Variants in MSN observed in about 807,000 individuals in gnomAD.
MSN encodes the protein moesin.
In MSN, 2 loss-of-function variants were observed where a neutral mutation model predicts 48.0. The observed-to-expected ratio is 0.04, with a 90% CI of 0.02 to 0.13. The LOEUF is 0.13. Ranked by LOEUF, MSN falls within the 10% of genes least tolerant of loss-of-function variation. The pLI, the probability that MSN is intolerant of heterozygous loss-of-function variation, is 1.00. For synonymous variants in MSN, 146 were observed against 166.9 expected (o/e 0.87, Z 0.97); for missense variants, 267 against 470.1 (o/e 0.57, Z 3.99).
rs192025280 is a variant in MSN at position 65,657,463 on chromosome X, G to T, written c.-21-59355G>T. 2.1e-3 allele frequency among the ~76,000 whole-genome samples: 234 copies of T among 110,961 alleles called. 2 individuals are homozygous for T. The highest frequency in any genetic ancestry group is 4.6e-3 in the Middle Eastern group (1 of 217). ...TGGTCAGTGGGGGCAGGGCTGGGGG[G>T]GCTGATGACTTCACTGGGAGATCCT... On this transcript the variant is annotated intron_variant, in intron 1 of 3. Coordinates refer to the MSN transcript ENST00000609672.
chrX:65,623,858 C>T (rs1280811248), intron 1 of MSN, among the ~76,000 whole-genome samples: 1 of 109,136 alleles, frequency 9.2e-6, no homozygotes, highest in Admixed American at 9.8e-5. Context: ...AATCATCTGG[C>T]TCTGGTTTTT....
intron 1 of MSN, among the ~76,000 whole-genome samples, chrX:65,684,443 CT>C (rs1300988514): frequency 6.6e-4 from 66 of 100,064 alleles, no homozygotes; most frequent in Admixed American, 6.4e-4. Context: ...TCTTTTTTTT[CT>C]TTTTTTTTTT....
At chrX:65,642,749 G>C (rs1371662998) in intron 1 of MSN, among the ~76,000 whole-genome samples, 1 of 111,789 alleles carries the variant, frequency 8.9e-6, no homozygotes, top group African/African-American at 3.3e-5. Flanking sequence ...TGTGTAAGGA[G>C]ATGGTCAGGG....
chrX:65,618,536 C>T (rs767695561), intron 1 of MSN, among the ~76,000 whole-genome samples: 64 of 111,253 alleles, frequency 5.8e-4, no homozygotes, highest in African/African-American at 2.1e-3. Flanking sequence ...CAACCCCTTC[C>T]TTTTTTGGTT....
chrX:65,603,267 C>A (rs2070252746), intron 1 of MSN, among the ~76,000 whole-genome samples: 1 of 111,829 alleles, frequency 8.9e-6, no homozygotes, highest in Admixed American at 9.5e-5. Context: ...GCACTTCAGC[C>A]TATAGTGTGA....
chrX:65,693,959 A>G (rs1381362705), intron 1 of MSN, among the ~76,000 whole-genome samples: 1 of 110,747 alleles, frequency 9.0e-6, no homozygotes, highest in Non-Finnish European at 1.9e-5. Flanking sequence ...AGGCTGAGGC[A>G]GGAGAATCGC....
At chrX:65,643,236 G>T (rs1013513761) in intron 1 of MSN, among the ~76,000 whole-genome samples, 1 of 111,681 alleles carries the variant, frequency 9.0e-6, no homozygotes, top group African/African-American at 3.3e-5. Context: ...AATCTTGAAT[G>T]CTTTCCAAAA....
chrX:65,701,354 C>T (rs1176655821), intron 1 of MSN, among the ~76,000 whole-genome samples: 4 of 111,739 alleles, frequency 3.6e-5, no homozygotes, highest in Non-Finnish European at 7.5e-5. Flanking sequence ...GTCTCCTCCT[C>T]TTCCTGCCTG....
chrX:65,648,959 G>T (rs993035339), intron 1 of MSN, among the ~76,000 whole-genome samples: 4 of 109,936 alleles, frequency 3.6e-5, no homozygotes, highest in Non-Finnish European at 7.6e-5. Flanking sequence ...GAGAGGTAAG[G>T]CCTGGGTATG....
Position 65,712,546 on chromosome X carries a change from AT to A in MSN, c.13-4254del, listed in dbSNP as rs757977163. 8.3e-3 allele frequency among the ~76,000 whole-genome samples: 809 copies of A among 97,064 alleles called. 2 individuals carry two copies. Among genetic ancestry groups the A allele is most frequent in the African/African-American group, 0.012 (334 of 26,923 alleles). 84.3% of individuals were successfully genotyped at this position (97,064 alleles called of 115,157 possible). A position where few individuals can be genotyped will look rare whatever the true frequency, so the allele number is the denominator to read the frequency against. On this transcript the variant is annotated intron_variant, in intron 1 of 12. Transcript: ENST00000360270. Reference sequence around the variant, plus strand: ...GACCAACTTAGAAAATGTAGATTAGATTTTTTTTTTTTTTTTTTAGTTTAAA... The same window carrying A: ...GACCAACTTAGAAAATGTAGATTAGATTTTTTTTTTTTTTTTTAGTTTAAA...
intron 1 of MSN, among the ~76,000 whole-genome samples, chrX:65,636,668 A>ACCCAGCTT (rs1156506405): frequency 1.0e-5 from 1 of 95,939 alleles, no homozygotes; most frequent in Non-Finnish European, 2.0e-5. Flanking sequence ...AATTGCTTGA[A>ACCCAGCTT]CCCAGGAGGC....
chrX:65,709,096 G>C lies in MSN; in HGVS notation c.13-7722G>C, dbSNP rs138695795. 3.0e-3 allele frequency among the ~76,000 whole-genome samples: 333 copies of C among 112,441 alleles called. 2 individuals are homozygous for C. The highest frequency in any genetic ancestry group is 9.5e-3 in the African/African-American group (293 of 30,986). On this transcript the variant is annotated intron_variant, in intron 1 of 12. Transcript: ENST00000360270. ...GTTGATTCCATATCTTGGCTATTGT[G>C]ATGTAGTGATGCAGTAAACACGAGG...
chrX:65,610,802 T>C (rs1375470785), intron 1 of MSN, among the ~76,000 whole-genome samples: 1 of 112,566 alleles, frequency 8.9e-6, no homozygotes, highest in Non-Finnish European at 1.9e-5. Context: ...AATACTTGTT[T>C]ATTTTTAACT....
intron 1 of MSN, among the ~76,000 whole-genome samples, chrX:65,617,210 T>C (rs1423572176): frequency 9.2e-6 from 1 of 108,209 alleles, no homozygotes; most frequent in Non-Finnish European, 1.9e-5. Flanking sequence ...ATCAGAATGA[T>C]GCTGGCCTCA....
rs777089389 is a variant in MSN at position 65,615,563 on chromosome X, T to C, written c.-22+26951T>C. 5.3e-3 allele frequency among the ~76,000 whole-genome samples: 564 copies of C among 106,913 alleles called. 10 individuals are homozygous for C. Among genetic ancestry groups the C allele is most frequent in the African/African-American group, 0.018 (532 of 28,893 alleles). The allele number at this position is 106,913 out of a possible 115,157, so 92.8% of individuals were successfully genotyped here. ...TTTTTGATGGGGTTGTTTGTTTTTT[T>C]CTTGTAAATTTGTTTGAGTTCATTG... On this transcript the variant is annotated intron_variant, in intron 1 of 3. Coordinates refer to the MSN transcript ENST00000609672.
At chrX:65,628,701 AT>A (rs2092907228) in intron 1 of MSN, among the ~76,000 whole-genome samples, 2 of 111,132 alleles carry the variant, frequency 1.8e-5, no homozygotes, top group African/African-American at 3.3e-5. Context: ...CTTAAAAAAA[AT>A]GTTTTTTTTT....
At chrX:65,620,501 C>T (rs2070429586) in intron 1 of MSN, among the ~76,000 whole-genome samples, 1 of 113,950 alleles carries the variant, frequency 8.8e-6, no homozygotes, top group African/African-American at 3.2e-5. Context: ...CTTTCTTTGA[C>T]TCAGAAAGGG....
chrX:65,741,188 T>A lies in MSN; in HGVS notation c.*1295T>A, dbSNP rs2071732536. 5.9e-6 allele frequency: 1 copy of A among 169,037 alleles called. No homozygotes were observed. The highest frequency in any genetic ancestry group is 3.0e-5 in the African/African-American group (1 of 33,496). The allele number at this position is 169,037 out of a possible 1,213,427, so 13.9% of individuals were successfully genotyped here. The stretch of plus-strand genomic sequence containing the variant: ...CTGTAAACCAGAGAGCTGCTGGGGA[T>A]TCTGGCCTAGTCCCTTCCACACCCC... On this transcript the variant is annotated 3_prime_UTR_variant, in exon 13 of 13. Coordinates refer to ENST00000360270, the MANE Select transcript of MSN (RefSeq NM_002444.3).
Position 65,645,411 on chromosome X carries a change from T to C in MSN, c.-22+56799T>C, listed in dbSNP as rs754621905. 2.8e-5 allele frequency among the ~76,000 whole-genome samples: 3 copies of C among 108,902 alleles called. No individual in the cohort carries two copies. The South Asian group carries it at 1.2e-3, about 44-fold the overall frequency. The allele number at this position is 108,902 out of a possible 115,157, so 94.6% of individuals were successfully genotyped here. ...AGATTTTCCTTTCTTTCTGCTCCCA[T>C]GGATTTTCCCTAAAGCATGTTTGTC... On this transcript the variant is annotated intron_variant, in intron 1 of 3. Coordinates refer to the MSN transcript ENST00000609672.
Sources: allele counts gnomAD v4.1 joint callset (sites outside exome capture counted in the v4.1 genomes callset), GRCh38; gene constraint gnomAD v4.1.1; transcripts MANE v1.5; gene names NCBI Gene and HGNC (gene_info 2026-07-23, HGNC 2026-07-21).